Variants in VPS37A observed in about 807,000 individuals in gnomAD.
VPS37A encodes the protein VPS37A subunit of ESCRT-I, also known as vacuolar protein sorting-associated protein 37A.
VPS37A carries 30 observed loss-of-function variants against 49.8 expected under a neutral mutation model. That is an observed-to-expected ratio of 0.60 (90% confidence interval 0.45 to 0.82). VPS37A has a LOEUF of 0.82. Ranked by LOEUF, VPS37A falls within the 40% of genes least tolerant of loss-of-function variation. The probability of loss-of-function intolerance (pLI) is 0.00; values close to 1 mark genes in which losing one functional copy is unlikely to be tolerated. For missense variants in VPS37A, 593 were observed against 464.4 expected, an observed-to-expected ratio of 1.28 and a Z score of -2.55; for synonymous variants, 195 against 160.6, an observed-to-expected ratio of 1.21 and a Z score of -1.62.
At chr8:17,328,439 C>T in the VPS37A span, among the ~76,000 whole-genome samples, 1 of 152,108 alleles carries the variant, frequency 6.6e-6, no homozygotes, top group South Asian at 2.1e-4. Context: ...AGCTGGAAGC[C>T]ATTATCCTCA....
chr8:17,319,699 C>T, the VPS37A span, among the ~76,000 whole-genome samples: 39 of 152,164 alleles, frequency 2.6e-4, 1 homozygote. Flanking sequence ...GAAACCAATG[C>T]AAACAGAGGC....
intron 11 of VPS37A, among the ~76,000 whole-genome samples, chr8:17,294,513 A>G (rs1403677043): frequency 6.6e-6 from 1 of 152,102 alleles, no homozygotes; most frequent in African/African-American, 2.4e-5. Flanking sequence ...TCCTGCAGCT[A>G]GCTCGATGTC....
At chr8:17,330,602 G>A in the VPS37A span, among the ~76,000 whole-genome samples, 463 of 152,278 alleles carry the variant, frequency 3.0e-3, 4 homozygotes, top group African/African-American at 0.01. Flanking sequence ...CTGTCCACAC[G>A]AGTATATAAG....
Position 17,280,419 on chromosome 8 carries a change from G to A in VPS37A, c.945G>A (p.Met315Ile), listed in dbSNP as rs1443805919. The A allele has an allele frequency of 1.2e-6, 2 of 1,608,650 alleles. No individual in the cohort carries two copies. Among genetic ancestry groups the A allele is most frequent in the African/African-American group, 2.7e-5 (2 of 74,550 alleles). ...TQMKSTFEKK[M>I]QRQHELSESC... ...TGAAGTCCACTTTCGAAAAGAAGAT[G>A]CAAAGGCAGCATGAACTTAGTGAGG... The change falls in exon 9 of 12, where the codon ATG becomes ATA. Residue 315 changes from methionine to isoleucine, a missense_variant. Met to Ile is a conservative substitution (Grantham distance 10, BLOSUM62 1). Transcript: ENST00000324849.
chr8:17,326,717 T>A, the VPS37A span, among the ~76,000 whole-genome samples: 1 of 152,178 alleles, frequency 6.6e-6, no homozygotes, highest in Non-Finnish European at 1.5e-5. Flanking sequence ...CCAACAACCA[T>A]AAGTGCTTGG....
chr8:17,257,428 G>A (rs983319220), intron 1 of VPS37A, among the ~76,000 whole-genome samples: 3 of 151,996 alleles, frequency 2.0e-5, no homozygotes, highest in Admixed American at 6.6e-5. Flanking sequence ...ATAAATATTA[G>A]GATTATGAAC....
downstream of VPS37A, chr8:17,299,649 A>ATAAT (rs1387969037): frequency 1.1e-5 from 7 of 613,170 alleles, no homozygotes; most frequent in Admixed American, 2.1e-4. Flanking sequence ...AAAATGGTGA[A>ATAAT]TAATTTTCCT....
In VPS37A at chr8:17,263,008, C is replaced by T. The variant is rs1225172266; in HGVS notation, c.126-2899C>T. 4.0e-5 allele frequency among the ~76,000 whole-genome samples: 6 copies of T among 150,890 alleles called. No individual in the cohort carries two copies. In the East Asian group the frequency reaches 1.2e-3, roughly 29 times the overall value. On this transcript the variant is annotated intron_variant, in intron 1 of 11. Coordinates refer to ENST00000324849, the MANE Select transcript of VPS37A (RefSeq NM_152415.3). ...CCCGGGAGGCAGAGGTTGCAGTGAG[C>T]CGAGATCTCGCCATTGCACTCCAGC...
intron 6 of VPS37A, among the ~76,000 whole-genome samples, chr8:17,278,179 A>G (rs1814704709): frequency 6.6e-6 from 1 of 152,066 alleles, no homozygotes; most frequent in Admixed American, 6.6e-5. Context: ...TGTCATAATT[A>G]CTGCATGCTT....
the VPS37A span, among the ~76,000 whole-genome samples, chr8:17,310,067 C>T: frequency 1.9e-4 from 29 of 152,260 alleles, no homozygotes; most frequent in South Asian, 6.0e-3. Flanking sequence ...GTGATGAGAT[C>T]ATGGCTCACT....
chr8:17,272,197 T>G, intron 4 of VPS37A: 1 of 400,980 alleles, frequency 2.5e-6, no homozygotes, highest in South Asian at 1.9e-5. Flanking sequence ...TGAGGCCCAT[T>G]AGACCTTCAT....
chr8:17,274,642 C>G lies in VPS37A; in HGVS notation c.417-91C>G, dbSNP rs973873211. ...ATTATAACATTTCATCTATATAGTACTTGACCTTTGTTATTTAGAACAATT... is the reference window on the plus strand; with the variant it reads ...ATTATAACATTTCATCTATATAGTAGTTGACCTTTGTTATTTAGAACAATT... On this transcript the variant is annotated intron_variant, in intron 4 of 11. Transcript: ENST00000324849. 3.0e-6 allele frequency: 3 copies of G among 985,966 alleles called. No homozygotes were observed. The African/African-American group carries it at 4.9e-5, about 16-fold the overall frequency. The allele number at this position is 985,966 out of a possible 1,614,324, so 61.1% of individuals were successfully genotyped here.
chr8:17,256,355 C>G (rs1250613576), intron 1 of VPS37A, among the ~76,000 whole-genome samples: 1 of 111,724 alleles, frequency 9.0e-6, no homozygotes, highest in African/African-American at 3.5e-5. Context: ...CCAGACTAAT[C>G]TGGAACTCCT....
At position 17,295,807 on chromosome 8, in the gene VPS37A, G is replaced by GA. The variant is rs1816581605; in HGVS notation, c.*821_*822insA. 2.6e-5 allele frequency: 4 copies of GA among 152,204 alleles called. No individual in the cohort carries two copies. The highest frequency in any genetic ancestry group is 9.6e-5 in the African/African-American group (4 of 41,454). 9.4% of individuals were successfully genotyped at this position (152,204 alleles called of 1,614,324 possible). On this transcript the variant is annotated 3_prime_UTR_variant, in exon 12 of 12. Coordinates refer to ENST00000324849, the MANE Select transcript of VPS37A (RefSeq NM_152415.3). ...CTAAATCTATACACAAAAAAAGTCA[G>GA]TGAACTTTTCTGACCTTTACTGTGA...
intron 1 of VPS37A, among the ~76,000 whole-genome samples, chr8:17,261,627 C>T (rs1033386016): frequency 5.3e-5 from 8 of 152,114 alleles, no homozygotes; most frequent in African/African-American, 1.9e-4. Context: ...TGCTTAAAGA[C>T]TCTTTACTGT....
intron 2 of VPS37A, among the ~76,000 whole-genome samples, chr8:17,266,294 G>T (rs1322189269): frequency 6.6e-6 from 1 of 151,958 alleles, no homozygotes; most frequent in Non-Finnish European, 1.5e-5. Context: ...AAACAAAGGG[G>T]TTATATATAT....
chr8:17,271,522 C>T (rs573221334), intron 4 of VPS37A, among the ~76,000 whole-genome samples: 4 of 152,018 alleles, frequency 2.6e-5, no homozygotes, highest in Non-Finnish European at 5.9e-5. Flanking sequence ...AGGAGAATGG[C>T]GTGAACCCGG....
chr8:17,280,799 G>A (rs765616483), intron 9 of VPS37A, among the ~76,000 whole-genome samples: 14 of 151,566 alleles, frequency 9.2e-5, no homozygotes, highest in East Asian at 1.9e-4. Flanking sequence ...TGAAAAGTTC[G>A]CAAATTAAAA....
the VPS37A span, among the ~76,000 whole-genome samples, chr8:17,307,517 C>G: frequency 6.6e-6 from 1 of 152,036 alleles, no homozygotes; most frequent in Non-Finnish European, 1.5e-5. Context: ...ACCATTTGAC[C>G]CAGCCATCCC....
Sources: allele counts gnomAD v4.1 joint callset (sites outside exome capture counted in the v4.1 genomes callset), GRCh38; gene constraint gnomAD v4.1.1; transcripts MANE v1.5; gene names NCBI Gene and HGNC (gene_info 2026-07-23, HGNC 2026-07-21).